PCDH15: variants seen among roughly 807,000 people sequenced by gnomAD.
PCDH15 encodes the protein protocadherin-15.
PCDH15 carries 129 observed loss-of-function variants against 178.5 expected under a neutral mutation model. That is an observed-to-expected ratio of 0.72 (90% CI 0.63 to 0.84). PCDH15 has a LOEUF of 0.84. Ranked by LOEUF, PCDH15 falls within the 40% of genes least tolerant of loss-of-function variation. PCDH15 has a pLI of 0.00. For missense variants in PCDH15, 2,230 were observed against 2,099.9 expected (o/e 1.06, Z -1.21); for synonymous variants, 800 against 732.0 (o/e 1.09, Z -1.50).
chr10:55,578,718 A>C lies in PCDH15; in HGVS notation c.-156+48907T>G, dbSNP rs139226053. ...AGAGGTCTAATTGACTCACAATTCC[A>C]CATGGCTGGGGAGTCCTCACAATCA... On this transcript the variant is annotated intron_variant, in intron 2 of 5. Transcript: ENST00000613346. 4.5e-3 allele frequency among the ~76,000 whole-genome samples: 689 copies of C among 152,318 alleles called. 8 individuals are homozygous for C. The highest frequency in any genetic ancestry group is 0.016 in the African/African-American group (660 of 41,578).
chr10:54,379,009 C>G (rs999732874), intron 3 of PCDH15, 67 bp from the exon 4 acceptor site: 3 of 1,569,734 alleles, frequency 1.9e-6, no homozygotes, highest in African/African-American at 2.7e-5. Context: ...AAAGATCATG[C>G]TCTTAAACCG....
intron 2 of PCDH15, among the ~76,000 whole-genome samples, chr10:55,073,138 T>C (rs896002404): frequency 6.6e-5 from 10 of 151,942 alleles, no homozygotes; most frequent in African/African-American, 2.2e-4. Flanking sequence ...TCACAGCCAA[T>C]ATCATACTGA....
At chr10:55,581,618 A>T (rs890868042) in intron 2 of PCDH15, among the ~76,000 whole-genome samples, 2 of 152,094 alleles carry the variant, frequency 1.3e-5, no homozygotes, top group Non-Finnish European at 2.9e-5. Flanking sequence ...ATTATGAGTC[A>T]ATTTAAAATC....
chr10:55,319,703 C>G (rs1337941801), upstream of PCDH15: 2 of 152,240 alleles, frequency 1.3e-5, no homozygotes, highest in Non-Finnish European at 2.9e-5. Context: ...CTCGCTCTGG[C>G]TATGGACCTC....
At chr10:55,026,992 T>A (rs958612261) in intron 2 of PCDH15, among the ~76,000 whole-genome samples, 3 of 151,828 alleles carry the variant, frequency 2.0e-5, no homozygotes, top group Non-Finnish European at 4.4e-5. Context: ...GGGCCAAAGA[T>A]AAATTATTGA....
chr10:54,674,656 A>G (rs906404330), intron 1 of PCDH15, among the ~76,000 whole-genome samples: 1 of 152,130 alleles, frequency 6.6e-6, no homozygotes, highest in African/African-American at 2.4e-5. Flanking sequence ...CTAATTGTGT[A>G]GTCATGTAAG....
intron 35 of PCDH15, among the ~76,000 whole-genome samples, chr10:53,813,164 C>T (rs78399649): frequency 6.6e-6 from 1 of 152,070 alleles, no homozygotes; most frequent in African/African-American, 2.4e-5. Flanking sequence ...ATTTTTACAG[C>T]AAGCATGTCC....
intron 2 of PCDH15, among the ~76,000 whole-genome samples, chr10:54,933,836 T>G (rs1052974370): frequency 6.6e-6 from 1 of 152,154 alleles, no homozygotes; most frequent in Non-Finnish European, 1.5e-5. Context: ...CTCTGAAAGC[T>G]GTGTAAAGTA....
intron 3 of PCDH15, among the ~76,000 whole-genome samples, chr10:54,444,476 G>T (rs913601992): frequency 6.6e-6 from 1 of 151,592 alleles, no homozygotes; most frequent in Non-Finnish European, 1.5e-5. Flanking sequence ...CACTTTCTAG[G>T]TATTCCCATT....
At chr10:55,110,282 A>G (rs1208444960) in intron 2 of PCDH15, among the ~76,000 whole-genome samples, 1 of 152,048 alleles carries the variant, frequency 6.6e-6, no homozygotes, top group Non-Finnish European at 1.5e-5. Flanking sequence ...GGGTTTGTGA[A>G]GTTTTAATAA....
intron 3 of PCDH15, among the ~76,000 whole-genome samples, chr10:54,502,585 CTAA>C (rs1254372894): frequency 6.6e-6 from 1 of 152,060 alleles, no homozygotes; most frequent in Non-Finnish European, 1.5e-5. Context: ...TCTCTACAGC[CTAA>C]TATCATGCAT....
chr10:55,085,504 A>G (rs1201489364), intron 2 of PCDH15, among the ~76,000 whole-genome samples: 1 of 152,002 alleles, frequency 6.6e-6, no homozygotes, highest in East Asian at 1.9e-4. Context: ...AATGTTTATA[A>G]CACAAAGAAA....
intron 2 of PCDH15, among the ~76,000 whole-genome samples, chr10:55,093,272 A>C (rs1842361333): frequency 1.3e-5 from 2 of 152,068 alleles, no homozygotes; most frequent in South Asian, 4.1e-4. Flanking sequence ...GCTACTACAT[A>C]ATGTGTCACA....
chr10:54,635,979 C>CAA (rs144844823), intron 2 of PCDH15, among the ~76,000 whole-genome samples: 1 of 150,054 alleles, frequency 6.7e-6, no homozygotes, highest in East Asian at 2.0e-4. Flanking sequence ...TAACCTCTCT[C>CAA]AAAAAAAAAT....
At chr10:53,886,884 G>T (rs41487044) in intron 26 of PCDH15, among the ~76,000 whole-genome samples, 1 of 151,908 alleles carries the variant, frequency 6.6e-6, no homozygotes, top group African/African-American at 2.4e-5. Flanking sequence ...TAAGATGCAG[G>T]CTGTTCCCTT....
intron 17 of PCDH15, among the ~76,000 whole-genome samples, chr10:54,078,396 C>T (rs2094379643): frequency 6.6e-6 from 1 of 151,740 alleles, no homozygotes; most frequent in South Asian, 2.1e-4. Flanking sequence ...ATTTATTTTA[C>T]ATTTATTATT....
chr10:54,971,810 G>A (rs560399142), intron 2 of PCDH15, among the ~76,000 whole-genome samples: 15 of 152,112 alleles, frequency 9.9e-5, no homozygotes, highest in Admixed American at 2.0e-4. Context: ...ATTCCCATAC[G>A]TATATATAAA....
At chr10:54,765,209 C>T (rs1203036484) in intron 1 of PCDH15, among the ~76,000 whole-genome samples, 6 of 152,050 alleles carry the variant, frequency 3.9e-5, no homozygotes, top group African/African-American at 1.4e-4. Flanking sequence ...GCCATTATAC[C>T]TTATATGGCA....
At chr10:55,224,910 T>G (rs1375210859) in intron 1 of PCDH15, among the ~76,000 whole-genome samples, 1 of 152,046 alleles carries the variant, frequency 6.6e-6, no homozygotes, top group African/African-American at 2.4e-5. Flanking sequence ...CATGACCCTA[T>G]TCTCATCTTG....
Sources: gnomAD v4.1 joint callset for allele counts (sites outside exome capture counted in the v4.1 genomes callset) on GRCh38, gnomAD v4.1.1 for gene constraint, MANE v1.5 for transcripts, NCBI Gene and HGNC (gene_info 2026-07-23, HGNC 2026-07-21) for gene names.